OSBPL9: variants seen among roughly 807,000 people sequenced by gnomAD.
The protein encoded by OSBPL9 is oxysterol binding protein like 9, also known as oxysterol-binding protein-related protein 9.
A neutral mutation model predicts 106.6 loss-of-function variants in OSBPL9; 40 were observed. The observed-to-expected ratio is 0.38, with a 90% CI of 0.29 to 0.49. The LOEUF (loss-of-function observed/expected upper bound fraction) is 0.49. Ranked by LOEUF, OSBPL9 falls within the 20% of genes least tolerant of loss-of-function variation. OSBPL9 has a pLI of 0.97. For synonymous variants in OSBPL9, 269 were observed against 295.4 expected, an observed-to-expected ratio of 0.91 and a Z score of 0.92; for missense variants, 609 against 887.2, an observed-to-expected ratio of 0.69 and a Z score of 3.98.
the OSBPL9 span, among the ~76,000 whole-genome samples, chr1:51,543,966 T>C: frequency 3.9e-4 from 59 of 152,334 alleles, no homozygotes; most frequent in East Asian, 2.7e-3. Flanking sequence ...GCTAGGACAA[T>C]ACTTCCCTTG....
chr1:51,579,613 C>G (rs1037156818), intron 1 of OSBPL9, among the ~76,000 whole-genome samples: 2 of 152,062 alleles, frequency 1.3e-5, no homozygotes, highest in African/African-American at 4.8e-5. Context: ...ACCCTGACCT[C>G]TAATATATAG....
intron 2 of OSBPL9, among the ~76,000 whole-genome samples, chr1:51,663,835 C>G (rs966738483): frequency 6.6e-6 from 1 of 152,162 alleles, no homozygotes; most frequent in African/African-American, 2.4e-5. Context: ...GGAGAAGAAA[C>G]TTAAACTATT....
chr1:51,746,653 AT>A, intron 5 of OSBPL9, 56 bp from the exon 6 acceptor site: 1 of 1,225,256 alleles, frequency 8.2e-7, no homozygotes. Flanking sequence ...TGTTTAGTGA[AT>A]GTACATCGTA....
chr1:51,730,494 G>T (rs1368011488), intron 4 of OSBPL9, among the ~76,000 whole-genome samples: 3 of 152,202 alleles, frequency 2.0e-5, no homozygotes, highest in Non-Finnish European at 4.4e-5. Context: ...AGTAATTACG[G>T]ATGCTATTGT....
intron 11 of OSBPL9, among the ~76,000 whole-genome samples, chr1:51,763,640 G>C (rs748401870): frequency 1.1e-4 from 16 of 152,166 alleles, no homozygotes; most frequent in Non-Finnish European, 2.2e-4. Flanking sequence ...CTATTACTTT[G>C]ATCTTTACTA....
chr1:51,665,547 T>C (rs2148748739), intron 2 of OSBPL9, among the ~76,000 whole-genome samples: 1 of 152,288 alleles, frequency 6.6e-6, no homozygotes, highest in Non-Finnish European at 1.5e-5. Context: ...AGGGTTTTTG[T>C]CATAGGAAAT....
At chr1:51,704,425 C>T (rs953684971) in intron 3 of OSBPL9, among the ~76,000 whole-genome samples, 7 of 152,126 alleles carry the variant, frequency 4.6e-5, no homozygotes, top group Non-Finnish European at 8.8e-5. Flanking sequence ...AGTTTATTTG[C>T]GTAGAGGTGT....
chr1:51,655,511 A>G (rs1646765940), intron 2 of OSBPL9, among the ~76,000 whole-genome samples: 1 of 152,120 alleles, frequency 6.6e-6, no homozygotes, highest in Non-Finnish European at 1.5e-5. Context: ...AAAAGACCTC[A>G]TGTGATGACA....
the OSBPL9 span, among the ~76,000 whole-genome samples, chr1:51,530,170 C>CAAAAAAAAAAAAAAAAAAAAAAAAAAA: frequency 6.3e-4 from 7 of 11,032 alleles, 1 homozygote; most frequent in Non-Finnish European, 9.8e-4. Context: ...GACTCTGTCT[C>CAAAAAAAAAAAAAAAAAAAAAAAAAAA]AAAAAAAAAA....
At chr1:51,523,160 A>T in the OSBPL9 span, among the ~76,000 whole-genome samples, 1 of 152,198 alleles carries the variant, frequency 6.6e-6, no homozygotes, top group African/African-American at 2.4e-5. Context: ...AACAACTGAC[A>T]TATCCCTGTC....
At chr1:51,561,999 T>C in the OSBPL9 span, 2 of 152,166 alleles carry the variant, frequency 1.3e-5, no homozygotes, top group Admixed American at 6.5e-5. Flanking sequence ...CCCCTGGTAA[T>C]TGGGATTTTC....
chr1:51,538,551 C>T, the OSBPL9 span: 1 of 152,098 alleles, frequency 6.6e-6, no homozygotes, highest in African/African-American at 2.4e-5. Context: ...AGGATCCCTT[C>T]CATTCTTGTT....
At chr1:51,663,780 G>T (rs904542968) in intron 2 of OSBPL9, among the ~76,000 whole-genome samples, 5 of 152,048 alleles carry the variant, frequency 3.3e-5, no homozygotes, top group Non-Finnish European at 7.4e-5. Flanking sequence ...GATATAGAAA[G>T]AACTCCTACA....
At chr1:51,623,420 AAAGGAATAGCT>A (rs1644567819) in intron 1 of OSBPL9, among the ~76,000 whole-genome samples, 1 of 152,238 alleles carries the variant, frequency 6.6e-6, no homozygotes, top group Non-Finnish European at 1.5e-5. Context: ...GGAACTGGAA[AAAGGAATAGCT>A]AAGGAATAGC....
Position 51,746,323 on chromosome 1 carries a change from C to T in OSBPL9, c.415-387C>T, listed in dbSNP as rs560688400. ...GATTTCTCTACCTCTTTTATCATTA[C>T]TGAAATGAATTGTCTCCTTCAGTTC... is the stretch of plus-strand genomic sequence containing the variant. On this transcript the variant is annotated intron_variant, in intron 5 of 23. Coordinates refer to ENST00000428468, the MANE Select transcript of OSBPL9 (RefSeq NM_024586.6). Among the ~76,000 whole-genome samples, 4 of 152,170 alleles carry T rather than the reference C, an allele frequency of 2.6e-5. No homozygotes were observed. The East Asian group carries it at 7.7e-4, about 29-fold the overall frequency.
intron 1 of OSBPL9, among the ~76,000 whole-genome samples, chr1:51,630,097 A>G (rs146724576): frequency 1.7e-3 from 256 of 152,162 alleles, no homozygotes; most frequent in Non-Finnish European, 3.0e-3. Flanking sequence ...AAGGGTACTA[A>G]ATGATTACTG....
At chr1:51,773,705 ACTC>A (rs1169469334) in intron 14 of OSBPL9, among the ~76,000 whole-genome samples, 1 of 152,008 alleles carries the variant, frequency 6.6e-6, no homozygotes, top group Non-Finnish European at 1.5e-5. Flanking sequence ...TCAGTAGTGA[ACTC>A]CTTTTTGTTT....
chr1:51,635,985 C>T (rs1645410266), intron 1 of OSBPL9, among the ~76,000 whole-genome samples: 1 of 151,796 alleles, frequency 6.6e-6, no homozygotes, highest in South Asian at 2.1e-4. Flanking sequence ...GTTTGTTGTA[C>T]TATAGATATA....
At chr1:51,713,623 T>C (rs1660521365) in intron 3 of OSBPL9, among the ~76,000 whole-genome samples, 1 of 152,220 alleles carries the variant, frequency 6.6e-6, no homozygotes, top group Non-Finnish European at 1.5e-5. Flanking sequence ...TGTCCCTAAA[T>C]ACAAGGTTTA....
Sources: allele counts gnomAD v4.1 joint callset (sites outside exome capture counted in the v4.1 genomes callset), GRCh38; gene constraint gnomAD v4.1.1; transcripts MANE v1.5; gene names NCBI Gene and HGNC (gene_info 2026-07-23, HGNC 2026-07-21).